Variants in MGAT4C observed in about 807,000 individuals in gnomAD.
MGAT4C encodes MGAT4 family member C.
In MGAT4C, 19 loss-of-function variants were observed where a neutral mutation model predicts 40.1. The observed-to-expected ratio is 0.47, with a 90% CI of 0.33 to 0.70. The LOEUF (loss-of-function observed/expected upper bound fraction) is 0.70. Ranked by LOEUF, MGAT4C falls within the 30% of genes least tolerant of loss-of-function variation. MGAT4C has a pLI of 0.02. For missense variants in MGAT4C, 491 were observed against 563.2 expected (o/e 0.87, Z 1.30); for synonymous variants, 181 against 187.1 (o/e 0.97, Z 0.27).
intron 2 of MGAT4C, among the ~76,000 whole-genome samples, chr12:86,450,384 A>C (rs949030947): frequency 1.3e-5 from 2 of 152,152 alleles, no homozygotes; most frequent in African/African-American, 4.8e-5. Flanking sequence ...TGTATTCTAA[A>C]TCATTTTTTC....
chr12:85,995,215 A>C (rs937979109), intron 2 of MGAT4C, among the ~76,000 whole-genome samples: 1 of 152,204 alleles, frequency 6.6e-6, no homozygotes, highest in Non-Finnish European at 1.5e-5. Flanking sequence ...TCCAAAAGGC[A>C]GTACAGGGAC....
At chr12:86,108,998 A>G (rs1025503482) in intron 1 of MGAT4C, among the ~76,000 whole-genome samples, 4 of 152,160 alleles carry the variant, frequency 2.6e-5, no homozygotes, top group African/African-American at 9.7e-5. Context: ...TTTAAAGTTA[A>G]CAAGAATCAC....
At chr12:86,235,493 T>G (rs1413995599) in intron 1 of MGAT4C, among the ~76,000 whole-genome samples, 1 of 152,040 alleles carries the variant, frequency 6.6e-6, no homozygotes, top group Non-Finnish European at 1.5e-5. Flanking sequence ...TAATAGTTCC[T>G]CTCCTTCCCT....
chr12:86,015,297 G>A (rs141575981), intron 2 of MGAT4C, among the ~76,000 whole-genome samples: 1 of 151,820 alleles, frequency 6.6e-6, no homozygotes, highest in African/African-American at 2.4e-5. Context: ...AGGAACTGGG[G>A]CCCAGTGTGC....
chr12:86,086,479 T>A (rs1446918900), intron 1 of MGAT4C, among the ~76,000 whole-genome samples: 2 of 152,060 alleles, frequency 1.3e-5, no homozygotes, highest in Admixed American at 6.6e-5. Context: ...GGCACATGTA[T>A]ACCTATGTAA....
At chr12:86,724,981 T>A (rs545999445) in intron 2 of MGAT4C, among the ~76,000 whole-genome samples, 2 of 152,216 alleles carry the variant, frequency 1.3e-5, no homozygotes, top group African/African-American at 2.4e-5. Flanking sequence ...TATAAGTTCT[T>A]TGAAACATCA....
chr12:86,264,854 C>A (rs78795575), intron 4 of MGAT4C, among the ~76,000 whole-genome samples: 2,277 of 152,294 alleles, frequency 0.015, 33 homozygotes, highest in African/African-American at 0.036. Flanking sequence ...CAAACCCAGT[C>A]GGCTGTGCCC....
At chr12:86,063,133 G>A (rs563466058) in intron 1 of MGAT4C, among the ~76,000 whole-genome samples, 10 of 152,168 alleles carry the variant, frequency 6.6e-5, no homozygotes, top group African/African-American at 2.4e-4. Flanking sequence ...GAGAAAGGTC[G>A]GGTTACCCAC....
intron 2 of MGAT4C, among the ~76,000 whole-genome samples, chr12:86,446,435 T>C (rs1408517551): frequency 1.3e-5 from 2 of 151,644 alleles, no homozygotes; most frequent in African/African-American, 2.4e-5. Flanking sequence ...TTATGAAACT[T>C]CTTGAGGCTC....
intron 1 of MGAT4C, among the ~76,000 whole-genome samples, chr12:86,175,603 T>C (rs1319989177): frequency 6.6e-6 from 1 of 152,068 alleles, no homozygotes; most frequent in African/African-American, 2.4e-5. Context: ...ATGTCAAACG[T>C]ATACCAAACA....
chr12:86,116,646 T>C (rs1393664546), intron 1 of MGAT4C, among the ~76,000 whole-genome samples: 1 of 152,096 alleles, frequency 6.6e-6, no homozygotes, highest in African/African-American at 2.4e-5. Flanking sequence ...ACTCAAATTG[T>C]CCAGTATTGG....
At chr12:86,459,495 T>C (rs1372083653) in intron 2 of MGAT4C, among the ~76,000 whole-genome samples, 1 of 151,948 alleles carries the variant, frequency 6.6e-6, no homozygotes, top group Non-Finnish European at 1.5e-5. Flanking sequence ...CTGAGAATCG[T>C]TACTCACCAA....
chr12:86,106,140 C>CT (rs1876123592), intron 1 of MGAT4C, among the ~76,000 whole-genome samples: 1 of 152,046 alleles, frequency 6.6e-6, no homozygotes, highest in South Asian at 2.1e-4. Context: ...CATTATTTTT[C>CT]TTTTTCTCAG....
chr12:86,696,982 TCTAACTTC>T (rs1219238924), intron 2 of MGAT4C, among the ~76,000 whole-genome samples: 1 of 152,202 alleles, frequency 6.6e-6, no homozygotes, highest in Non-Finnish European at 1.5e-5. Flanking sequence ...TGATTCATTA[TCTAACTTC>T]CTCAAATTTT....
intron 1 of MGAT4C, among the ~76,000 whole-genome samples, chr12:86,177,022 C>A (rs1258388736): frequency 1.3e-5 from 2 of 151,646 alleles, no homozygotes; most frequent in African/African-American, 4.9e-5. Context: ...ATATCTGACC[C>A]ATTGCCATTT....
intron 2 of MGAT4C, among the ~76,000 whole-genome samples, chr12:86,664,178 T>A (rs1964045767): frequency 6.6e-6 from 1 of 151,860 alleles, no homozygotes; most frequent in Non-Finnish European, 1.5e-5. Context: ...ACACTGCTAC[T>A]CAGGTGTAAC....
chr12:86,566,548 A>G (rs1306069102), intron 2 of MGAT4C, among the ~76,000 whole-genome samples: 2 of 106,310 alleles, frequency 1.9e-5, no homozygotes, highest in Non-Finnish European at 3.5e-5. Context: ...ATATATATAT[A>G]TATATATATA....
chr12:86,552,629 A>C (rs2136398308), intron 2 of MGAT4C, among the ~76,000 whole-genome samples: 1 of 152,272 alleles, frequency 6.6e-6, no homozygotes, highest in African/African-American at 2.4e-5. Context: ...ATCACTATGT[A>C]CTTCATAAAT....
rs540255892 is a variant in MGAT4C at position 86,531,984 on chromosome 12, T to C, written c.-228-96719A>G. On this transcript the variant is annotated intron_variant, in intron 2 of 7. Coordinates refer to the MGAT4C transcript ENST00000548651. Reference sequence around the variant, plus strand: ...TCTATGGAATCATCTAATTGGTAAATTGCAAATTTACACTAATTTTCTAAA... The same window carrying C: ...TCTATGGAATCATCTAATTGGTAAACTGCAAATTTACACTAATTTTCTAAA... Among the ~76,000 whole-genome samples the C allele has an allele frequency of 8.5e-4, 130 of 152,070 alleles. 4 individuals are homozygous for C. The highest frequency in any genetic ancestry group is 3.9e-4 in the East Asian group (2 of 5,178).
Sources: gnomAD v4.1 joint callset for allele counts (sites outside exome capture counted in the v4.1 genomes callset) on GRCh38, gnomAD v4.1.1 for gene constraint, MANE v1.5 for transcripts, NCBI Gene and HGNC (gene_info 2026-07-23, HGNC 2026-07-21) for gene names.